The following PDE4A variants were observed in gnomAD, a reference collection of about 807,000 sequenced individuals.
PDE4A encodes the protein 3',5'-cyclic-AMP phosphodiesterase 4A.
Under a neutral mutation model 73.9 loss-of-function variants are expected in PDE4A, and 21 were observed. The ratio of observed to expected loss-of-function variants is 0.28; its 90% confidence interval spans 0.20 to 0.41. The LOEUF is 0.41. Ranked by LOEUF, PDE4A falls within the 10% of genes least tolerant of loss-of-function variation. The probability of loss-of-function intolerance (pLI) is 1.00; values close to 1 mark genes in which losing one functional copy is unlikely to be tolerated. For missense variants in PDE4A, 958 were observed against 1,211.4 expected, an observed-to-expected ratio of 0.79 and a Z score of 3.10; for synonymous variants, 463 against 505.4, an observed-to-expected ratio of 0.92 and a Z score of 1.13.
In PDE4A at chr19:10,450,948, A is replaced by C. The variant is rs960283364; in HGVS notation, c.783+7A>C. The C allele has an allele frequency of 1.3e-6, 2 of 1,513,296 alleles. No homozygotes were observed. The highest frequency in any genetic ancestry group is 1.8e-6 in the Non-Finnish European group (2 of 1,108,860). The allele number at this position is 1,513,296 out of a possible 1,614,324, so 93.7% of individuals were successfully genotyped here. A position where few individuals can be genotyped will look rare whatever the true frequency, so the allele number is the denominator to read the frequency against. On this transcript the variant is annotated splice_region_variant and intron_variant, in intron 6 of 14. Coordinates refer to ENST00000380702, the MANE Select transcript of PDE4A (RefSeq NM_001111307.2). Reference sequence around the variant, plus strand: ...CGAGATGGCCTCGCACAAGGTGTGCAGGTGGTGGGCAGAACCCCTGGGCGG... The same window carrying C: ...CGAGATGGCCTCGCACAAGGTGTGCCGGTGGTGGGCAGAACCCCTGGGCGG...
chr19:10,426,416 C>T (rs7249459), intron 1 of PDE4A, among the ~76,000 whole-genome samples: 45,596 of 145,838 alleles, frequency 0.31, 7,401 homozygotes, highest in East Asian at 0.56. Flanking sequence ...TTTTTTTTTT[C>T]CCTCTCATTA....
intron 8 of PDE4A, chr19:10,459,069 C>T (rs2043216896): frequency 3.0e-6 from 1 of 329,234 alleles, no homozygotes; most frequent in Non-Finnish European, 5.8e-6. Flanking sequence ...GTGCTGGGTT[C>T]CTATCCTAGC....
upstream of PDE4A, chr19:10,417,430 G>T (rs113234340): frequency 5.1e-6 from 5 of 984,848 alleles, no homozygotes; most frequent in African/African-American, 8.7e-5. Flanking sequence ...CCAAGGCTGG[G>T]GCATCGAGAG....
intron 1 of PDE4A, chr19:10,421,384 G>A (rs2042649859): frequency 1.0e-6 from 1 of 971,418 alleles, no homozygotes; most frequent in African/African-American, 1.8e-5. Context: ...CTTGGTGACA[G>A]TGCAGAACAG....
intron 14 of PDE4A, among the ~76,000 whole-genome samples, chr19:10,464,238 C>T (rs2043326633): frequency 6.6e-6 from 1 of 152,054 alleles, no homozygotes; most frequent in Non-Finnish European, 1.5e-5. Flanking sequence ...TCTGGGATTA[C>T]AGGCGTGCAC....
At chr19:10,418,862 C>CT (rs1347035854), upstream of PDE4A, 1 of 984,320 alleles carries the variant, frequency 1.0e-6, no homozygotes, top group Non-Finnish European at 1.2e-6. Flanking sequence ...CTCACAGCCC[C>CT]TGCAAATTCC....
chr19:10,444,460 T>C (rs151334671), intron 1 of PDE4A, among the ~76,000 whole-genome samples: 15,746 of 151,172 alleles, frequency 0.1, 1,012 homozygotes, highest in South Asian at 0.2. Context: ...ATCGCGCCAT[T>C]GCATTCCAGC....
chr19:10,466,957 A>G lies in PDE4A; in HGVS notation c.1997A>G (p.Gln666Arg). 1 of 1,614,160 alleles carries G rather than the reference A, an allele frequency of 6.2e-7. No individual in the cohort carries two copies. Among genetic ancestry groups the G allele is most frequent in the Non-Finnish European group, 8.5e-7 (1 of 1,180,036 alleles). ...TWADLVHPDA[Q>R]EILDTLEDNR... The stretch of plus-strand genomic sequence containing the variant: ...GCGGACCTTGTCCACCCAGATGCCC[A>G]GGAGATCTTGGACACTTTGGAGGAC... Residue 666 changes from glutamine (Q) to arginine (R), a missense_variant, in exon 15 of 15, where the codon CAG becomes CGG. Transcript: ENST00000380702.
intron 1 of PDE4A, chr19:10,427,443 G>A (rs1489893690): frequency 2.1e-6 from 2 of 970,188 alleles, no homozygotes; most frequent in Non-Finnish European, 2.5e-6. Context: ...AGTGAGCGAG[G>A]AGGCAGTGGA....
At chr19:10,448,324 C>G (rs1256666690) in intron 2 of PDE4A, among the ~76,000 whole-genome samples, 1 of 151,572 alleles carries the variant, frequency 6.6e-6, no homozygotes, top group African/African-American at 2.4e-5. Flanking sequence ...AAGATGTCAT[C>G]TCTTTAAAAG....
At chr19:10,457,090 C>T (rs545673967) in intron 7 of PDE4A, among the ~76,000 whole-genome samples, 152 of 152,050 alleles carry the variant, frequency 1.0e-3, no homozygotes, top group Non-Finnish European at 1.6e-3. Flanking sequence ...CTCAGCTACT[C>T]GGGAGGCTGA....
At chr19:10,419,178 C>A, upstream of PDE4A, 2 of 716,410 alleles carry the variant, frequency 2.8e-6, no homozygotes, top group Non-Finnish European at 3.4e-6. Context: ...GGGGTCTGGT[C>A]CCCGGGTCCC....
Position 10,467,687 on chromosome 19 carries a change from C to T in PDE4A, c.*66C>T, listed in dbSNP as rs973915162. 3 of 1,205,994 alleles carry T rather than the reference C, an allele frequency of 2.5e-6. No homozygotes were observed. The Admixed American group carries it at 7.0e-5, about 28-fold the overall frequency. 74.7% of individuals were successfully genotyped at this position (1,205,994 alleles called of 1,614,324 possible). ...CACTCCCCTGCTCCCCCGACCACCTCCTCCTCTGCCTCAAAGACTCTTGTC... is the reference window on the plus strand; with the variant it reads ...CACTCCCCTGCTCCCCCGACCACCTTCTCCTCTGCCTCAAAGACTCTTGTC... On this transcript the variant is annotated 3_prime_UTR_variant, in exon 15 of 15. Transcript: ENST00000380702.
At chr19:10,445,725 A>C (rs1307459933) in intron 1 of PDE4A, among the ~76,000 whole-genome samples, 4 of 147,508 alleles carry the variant, frequency 2.7e-5, no homozygotes, top group African/African-American at 1.0e-4. Flanking sequence ...CCAAGATCAC[A>C]CCACTGCACT....
intron 7 of PDE4A, chr19:10,457,656 G>T (rs1222545681): frequency 1.6e-5 from 5 of 315,228 alleles, no homozygotes; most frequent in African/African-American, 1.1e-4. Context: ...TCAGACCGGG[G>T]CCATCCCAGA....
chr19:10,453,021 TC>T lies in PDE4A; in HGVS notation c.784-1806del. 7.5e-7 allele frequency: 1 copy of T among 1,324,900 alleles called. No individual in the cohort carries two copies. Among genetic ancestry groups the T allele is most frequent in the Non-Finnish European group, 9.6e-7 (1 of 1,037,482 alleles). 82.1% of individuals were successfully genotyped at this position (1,324,900 alleles called of 1,614,324 possible). A position where few individuals can be genotyped will look rare whatever the true frequency, so the allele number is the denominator to read the frequency against. ...CCATGGGCACGGACCCCCCACCGCCTCCACCCACTGCCGCGGGGGGGCCCGT... is the reference window on the plus strand; with the variant it reads ...CCATGGGCACGGACCCCCCACCGCCTCACCCACTGCCGCGGGGGGGCCCGT... On this transcript the variant is annotated intron_variant, in intron 6 of 14. Coordinates refer to ENST00000380702, the MANE Select transcript of PDE4A (RefSeq NM_001111307.2). The surrounding 1 kb of genome is among the most constrained non-coding windows in gnomAD (Gnocchi z 4.6).
intron 1 of PDE4A, among the ~76,000 whole-genome samples, chr19:10,435,809 G>A (rs1396707601): frequency 1.3e-5 from 2 of 152,054 alleles, no homozygotes; most frequent in Admixed American, 6.6e-5. Context: ...GCCAGGGAGG[G>A]GTGACTCTCC....
chr19:10,446,916 C>T lies in PDE4A; in HGVS notation c.512+507C>T, dbSNP rs1217096926. 7.5e-5 allele frequency among the ~76,000 whole-genome samples: 8 copies of T among 107,382 alleles called. No homozygotes were observed. The East Asian group carries it at 8.7e-4, about 12-fold the overall frequency. 70.4% of individuals were successfully genotyped at this position (107,382 alleles called of 152,430 possible). On this transcript the variant is annotated intron_variant, in intron 2 of 14. Coordinates refer to ENST00000380702, the MANE Select transcript of PDE4A (RefSeq NM_001111307.2). ...GCCTCAGTTCCTTTTTTTTTTGAGA[C>T]GGAGTGTCTCTCTGTTGTGTTGCCC...
In PDE4A at chr19:10,467,096, G is replaced by A. The variant is rs202176693; in HGVS notation, c.2136G>A (p.Thr712=). The A allele has an allele frequency of 6.2e-6, 10 of 1,614,052 alleles. No homozygotes were observed. The highest frequency in any genetic ancestry group is 2.7e-5 in the African/African-American group (2 of 74,934). ...CTGACAAGTTCCAGTTTGAGCTGAC[G>A]CTGGAGGAGGAAGAGGAGGAAGAAA... The part of the protein sequence containing the change: ...PLPDKFQFEL[T]LEEEEEEEIS... Residue 712 remains threonine (T), a synonymous_variant, in exon 15 of 15, where the codon ACG becomes ACA. Transcript: ENST00000380702.
Sources: allele counts gnomAD v4.1 joint callset (sites outside exome capture counted in the v4.1 genomes callset), GRCh38; gene constraint gnomAD v4.1.1; non-coding constraint Gnocchi (gnomAD v3.1); transcripts MANE v1.5; gene names NCBI Gene and HGNC (gene_info 2026-07-23, HGNC 2026-07-21).